ANGPT4: variants seen among roughly 807,000 people sequenced by gnomAD.
ANGPT4 encodes angiopoietin-4.
In ANGPT4, 50 loss-of-function variants were observed where a neutral mutation model predicts 53.0. The observed-to-expected ratio is 0.94, with a 90% CI of 0.75 to 1.20. The LOEUF is 1.20. Ranked by LOEUF, ANGPT4 falls within the 50% of genes most tolerant of loss-of-function variation. The pLI is 0.00. For missense variants in ANGPT4, 648 were observed against 637.1 expected (o/e 1.02, Z -0.18); for synonymous variants, 251 against 259.7 (o/e 0.97, Z 0.32).
intron 7 of ANGPT4, among the ~76,000 whole-genome samples, chr20:877,776 T>G (rs1182434029): frequency 6.6e-6 from 1 of 152,076 alleles, no homozygotes; most frequent in Non-Finnish European, 1.5e-5. Context: ...CCACAATGAG[T>G]GCAGGAATTT....
At chr20:896,372 C>T (rs1982052238) in intron 1 of ANGPT4, among the ~76,000 whole-genome samples, 1 of 152,088 alleles carries the variant, frequency 6.6e-6, no homozygotes, top group African/African-American at 2.4e-5. Context: ...GCAAGTTTAG[C>T]CAGTATGATG....
At chr20:897,520 C>T (rs1982106138) in intron 1 of ANGPT4, among the ~76,000 whole-genome samples, 1 of 152,240 alleles carries the variant, frequency 6.6e-6, no homozygotes, top group African/African-American at 2.4e-5. Context: ...CGGTCATGGA[C>T]TCAGGAAGAC....
chr20:872,919 G>A lies in ANGPT4; in HGVS notation c.*41C>T, dbSNP rs368678351. ...CAGGTTGTCCAGGAGTGCCAAGTCC[G>A]AGCTTCTCCTGTGTGGTCCAGCCTC... On this transcript the variant is annotated 3_prime_UTR_variant, in exon 9 of 9. Transcript: ENST00000381922. 26 of 1,609,798 alleles carry A rather than the reference G, an allele frequency of 1.6e-5. No individual in the cohort carries two copies. Among genetic ancestry groups the A allele is most frequent in the African/African-American group, 6.7e-5 (5 of 74,858 alleles).
At chr20:885,357 T>C (rs1439117299) in intron 3 of ANGPT4, 32 bp from the exon 4 acceptor site, 5 of 1,519,968 alleles carry the variant, frequency 3.3e-6, no homozygotes, top group Non-Finnish European at 4.4e-6. Context: ...GAGGTGAGCC[T>C]GGCATCCTCG....
rs1982551534 is a variant in ANGPT4, at chr20:908,120, G to T, written c.309+7786C>A. On this transcript the variant is annotated intron_variant, in intron 1 of 8. Transcript: ENST00000381922. This position sits in a 1 kb window ranked among gnomAD's most constrained non-coding sequence, Gnocchi z 4.9. ...GATAAGATTAGGGTCAGACAAAGAT[G>T]GTGGAAGCTGGCTCAGAGGTCCACA... Among the ~76,000 whole-genome samples the T allele has an allele frequency of 6.6e-6, 1 of 152,142 alleles. No homozygotes were observed. Among genetic ancestry groups the T allele is most frequent in the African/African-American group, 2.4e-5 (1 of 41,420 alleles).
intron 1 of ANGPT4, among the ~76,000 whole-genome samples, chr20:915,431 A>G (rs189979417): frequency 2.0e-5 from 3 of 152,138 alleles, no homozygotes; most frequent in Admixed American, 6.5e-5. Flanking sequence ...GGCCCACTCT[A>G]TCATTTCCCT....
chr20:888,592 T>C lies in ANGPT4; in HGVS notation c.466-153A>G, dbSNP rs1395536541. On this transcript the variant is annotated intron_variant, in intron 2 of 8. Coordinates refer to ENST00000381922, the MANE Select transcript of ANGPT4 (RefSeq NM_015985.4). ...CCTGTGGTTACTCACTCACAGGCCC[T>C]GACTTAAGCTTATTACCTGCTTCCT... 3.3e-5 allele frequency among the ~76,000 whole-genome samples: 5 copies of C among 152,204 alleles called. No individual in the cohort carries two copies. In the East Asian group the frequency reaches 9.6e-4, roughly 29 times the overall value.
chr20:885,097 C>T lies in ANGPT4; in HGVS notation c.816G>A (p.Arg272=), dbSNP rs761716632. 8 of 1,613,710 alleles carry T rather than the reference C, an allele frequency of 5.0e-6. No homozygotes were observed. Among genetic ancestry groups the T allele is most frequent in the South Asian group, 1.1e-5 (1 of 91,032 alleles). The change falls in exon 4 of 9, where the codon AGG becomes AGA. Residue 272 remains arginine (R), a synonymous_variant. Transcript: ENST00000381922. The part of the protein sequence containing the change: ...LVLLRHLVQE[R]ANASAPAFIM... ...ACTCACCCGGGGCCGAGGCGTTAGCCCTTTCTTGCACCAGGTGCCGCAACA... is the reference window on the plus strand; with the variant it reads ...ACTCACCCGGGGCCGAGGCGTTAGCTCTTTCTTGCACCAGGTGCCGCAACA...
At chr20:905,898 G>A (rs559769362) in intron 1 of ANGPT4, among the ~76,000 whole-genome samples, 1 of 152,288 alleles carries the variant, frequency 6.6e-6, no homozygotes, top group East Asian at 1.9e-4. Flanking sequence ...TGCTCCCATT[G>A]TCACCATTTT....
intron 1 of ANGPT4, among the ~76,000 whole-genome samples, chr20:903,705 G>C (rs954703422): frequency 1.3e-5 from 2 of 152,246 alleles, no homozygotes; most frequent in African/African-American, 4.8e-5. Flanking sequence ...GGATGGTGTG[G>C]GAATTGGGAT....
rs893705809 is a variant in ANGPT4 at position 912,336 on chromosome 20, G to A, written c.309+3570C>T. Among the ~76,000 whole-genome samples, 10 of 152,154 alleles carry A rather than the reference G, an allele frequency of 6.6e-5. No individual in the cohort carries two copies. The East Asian group carries it at 1.7e-3, about 26-fold the overall frequency. On this transcript the variant is annotated intron_variant, in intron 1 of 8. Coordinates refer to ENST00000381922, the MANE Select transcript of ANGPT4 (RefSeq NM_015985.4). ...TGCTGTCATTCTCCTCCCAGCCTCC[G>A]GATTAGGCACTGAGAGGGAAGGGCC...
At chr20:875,927 C>T (rs761680007) in intron 7 of ANGPT4, among the ~76,000 whole-genome samples, 7 of 151,874 alleles carry the variant, frequency 4.6e-5, no homozygotes, top group Admixed American at 2.6e-4. Flanking sequence ...CCCAGGAGTT[C>T]GAGATCAGCC....
chr20:913,781 C>T (rs947602038), intron 1 of ANGPT4, among the ~76,000 whole-genome samples: 5 of 152,190 alleles, frequency 3.3e-5, no homozygotes, highest in Non-Finnish European at 7.3e-5. Context: ...GAAGCCTAGG[C>T]CACAGGATGG....
intron 1 of ANGPT4, among the ~76,000 whole-genome samples, chr20:915,309 A>C (rs999416306): frequency 1.3e-5 from 2 of 151,042 alleles, no homozygotes; most frequent in Admixed American, 6.6e-5. Context: ...CTCCAGCTAC[A>C]CAGGCCTTCG....
intron 1 of ANGPT4, among the ~76,000 whole-genome samples, chr20:905,226 A>C (rs1359598240): frequency 6.6e-6 from 1 of 152,164 alleles, no homozygotes; most frequent in Non-Finnish European, 1.5e-5. Context: ...TGCCATCTGA[A>C]ATCACTTTAG....
At chr20:889,489 T>C (rs2122802735) in intron 2 of ANGPT4, among the ~76,000 whole-genome samples, 2 of 152,320 alleles carry the variant, frequency 1.3e-5, no homozygotes, top group Middle Eastern at 3.4e-3. Flanking sequence ...TATTTGTGTA[T>C]GCATATCTAA....
rs745899909 is a variant in ANGPT4 at position 916,050 on chromosome 20, G to A, written c.165C>T (p.Cys55=). The A allele has an allele frequency of 1.9e-6, 3 of 1,614,056 alleles. No individual in the cohort carries two copies. Among genetic ancestry groups the A allele is most frequent in the African/African-American group, 2.7e-5 (2 of 74,922 alleles). The change falls in exon 1 of 9, where the codon TGC becomes TGT. Residue 55 remains cysteine (C), a synonymous_variant. Transcript: ENST00000381922. ...YTFLLPKSEP[C]PPGPEVSRDS... ...CCCTGGAGACCTCAGGCCCCGGAGG[G>A]CAGGGCTCAGACTTGGGCAGCAAGA...
intron 1 of ANGPT4, among the ~76,000 whole-genome samples, chr20:897,608 C>T (rs769222643): frequency 1.5e-4 from 23 of 152,114 alleles, no homozygotes; most frequent in Non-Finnish European, 2.2e-4. Flanking sequence ...GTCTGATCAC[C>T]GGGGGGACAC....
chr20:878,594 T>C (rs1331819230), intron 6 of ANGPT4, among the ~76,000 whole-genome samples: 2 of 152,116 alleles, frequency 1.3e-5, no homozygotes, highest in Non-Finnish European at 2.9e-5. Flanking sequence ...GAAAAAGTAA[T>C]ATTTGGTGAC....
Sources: allele counts gnomAD v4.1 joint callset (sites outside exome capture counted in the v4.1 genomes callset), GRCh38; gene constraint gnomAD v4.1.1; non-coding constraint Gnocchi (gnomAD v3.1); transcripts MANE v1.5; gene names NCBI Gene and HGNC (gene_info 2026-07-23, HGNC 2026-07-21).